The following FBXO22 variants were observed in gnomAD, a reference collection of about 807,000 sequenced individuals.
FBXO22 encodes the protein F-box protein 22, also known as F-box only protein 22.
Under a neutral mutation model 37.2 loss-of-function variants are expected in FBXO22, and 13 were observed. The observed-to-expected ratio is 0.35, with a 90% CI of 0.23 to 0.56. FBXO22 has a LOEUF of 0.56. FBXO22 is among the 20% of genes least tolerant of loss of function. FBXO22 has a pLI of 0.87. For missense variants in FBXO22, 446 were observed against 509.9 expected, an observed-to-expected ratio of 0.87 and a Z score of 1.21; for synonymous variants, 189 against 189.1, an observed-to-expected ratio of 1.00 and a Z score of 0.00.
intron 3 of FBXO22, 118 bp downstream of exon 3, chr15:75,913,408 C>T: frequency 1.6e-6 from 1 of 623,654 alleles, no homozygotes; most frequent in South Asian, 1.9e-5. Context: ...GGGACTGCCA[C>T]CTGTAGTATG....
chr15:75,918,318 G>C (rs549287035), intron 5 of FBXO22, among the ~76,000 whole-genome samples: 9 of 150,334 alleles, frequency 6.0e-5, no homozygotes, highest in African/African-American at 2.2e-4. Flanking sequence ...CCCTGACAAT[G>C]TGGAAAAAAA....
At chr15:75,929,594 CATTA>C in intron 5 of FBXO22, among the ~76,000 whole-genome samples, 1 of 151,030 alleles carries the variant, frequency 6.6e-6, no homozygotes, top group Non-Finnish European at 1.5e-5. Flanking sequence ...ATAGCTGCTT[CATTA>C]TTTGTGTTGA....
rs1007783043 is a variant in FBXO22, at chr15:75,941,388, A to G, written c.*8286A>G. ...GTATGGTGATTTTCCAATTAAATAT[A>G]GAATTGTCATTTGATTCAGCAATTG... On this transcript the variant is annotated 3_prime_UTR_variant, in exon 7 of 7. Transcript: ENST00000308275. 6.6e-6 allele frequency: 1 copy of G among 152,240 alleles called. No homozygotes were observed. Among genetic ancestry groups the G allele is most frequent in the Non-Finnish European group, 1.5e-5 (1 of 68,018 alleles). The allele number at this position is 152,240 out of a possible 1,614,324, so 9.4% of individuals were successfully genotyped here.
At chr15:75,918,050 T>G (rs1386026143) in intron 5 of FBXO22, among the ~76,000 whole-genome samples, 3 of 152,210 alleles carry the variant, frequency 2.0e-5, no homozygotes, top group African/African-American at 7.2e-5. Flanking sequence ...AAAGCAGCGT[T>G]TAGCCTTTTA....
rs1357738868 is a variant in FBXO22 at position 75,936,204 on chromosome 15, G to C, written c.*3102G>C. 2 of 152,184 alleles carry C rather than the reference G, an allele frequency of 1.3e-5. No homozygotes were observed. Among genetic ancestry groups the C allele is most frequent in the Non-Finnish European group, 2.9e-5 (2 of 68,028 alleles). 9.4% of individuals were successfully genotyped at this position (152,184 alleles called of 1,614,324 possible). A position where few individuals can be genotyped will look rare whatever the true frequency, so the allele number is the denominator to read the frequency against. On this transcript the variant is annotated 3_prime_UTR_variant, in exon 7 of 7. Transcript: ENST00000308275. ...ACTGCCATAAATTCAGTTTTAATGG[G>C]AACAGAAGACTCCAGATCCTCTTGA...
rs1374410075 is a variant in FBXO22, at chr15:75,936,679, A to T, written c.*3577A>T. 6.6e-6 allele frequency: 1 copy of T among 152,074 alleles called. No homozygotes were observed. Among genetic ancestry groups the T allele is most frequent in the Non-Finnish European group, 1.5e-5 (1 of 68,062 alleles). 9.4% of individuals were successfully genotyped at this position (152,074 alleles called of 1,614,324 possible). A position where few individuals can be genotyped will look rare whatever the true frequency, so the allele number is the denominator to read the frequency against. On this transcript the variant is annotated 3_prime_UTR_variant, in exon 7 of 7. Transcript: ENST00000308275. The stretch of plus-strand genomic sequence containing the variant: ...AACCTCCACCTCCTGGGTTCAAGTG[A>T]TTCTGCTGCCTCAGCCTCCCTAGTA...
chr15:75,907,404 G>A (rs549736579), intron 2 of FBXO22, among the ~76,000 whole-genome samples: 68 of 152,266 alleles, frequency 4.5e-4, no homozygotes, highest in African/African-American at 1.6e-3. Context: ...TCTTTTATTA[G>A]TATCATTATT....
chr15:75,932,073 G>T (rs1567057208), intron 6 of FBXO22, among the ~76,000 whole-genome samples: 1 of 152,130 alleles, frequency 6.6e-6, no homozygotes, highest in Non-Finnish European at 1.5e-5. Context: ...GATTAGCCAG[G>T]TGTGGTGGCA....
chr15:75,908,418 G>A lies in FBXO22; in HGVS notation c.279+3789G>A, dbSNP rs191934539. Among the ~76,000 whole-genome samples the A allele has an allele frequency of 4.9e-4, 75 of 151,958 alleles. No individual in the cohort carries two copies. The Middle Eastern group carries it at 0.01, about 21-fold the overall frequency. ...CTCCTGAGTAGTTGGGACTACAGGC[G>A]CATGCAGCCATACCCGGTTACTTTT... On this transcript the variant is annotated intron_variant, in intron 2 of 6. Transcript: ENST00000308275.
chr15:75,908,735 T>C (rs1297553706), intron 2 of FBXO22, among the ~76,000 whole-genome samples: 1 of 152,228 alleles, frequency 6.6e-6, no homozygotes, highest in African/African-American at 2.4e-5. Flanking sequence ...AAGAGGCACG[T>C]AGTCTAAGTG....
At chr15:75,912,174 C>T (rs2201917) in intron 2 of FBXO22, among the ~76,000 whole-genome samples, 68,854 of 151,550 alleles carry the variant, frequency 0.45, 16,487 homozygotes, top group South Asian at 0.69. Flanking sequence ...TTCGGTCTGC[C>T]AGTATTTTAT....
intron 5 of FBXO22, among the ~76,000 whole-genome samples, chr15:75,918,768 C>T (rs1200718394): frequency 6.6e-6 from 1 of 152,128 alleles, no homozygotes; most frequent in African/African-American, 2.4e-5. Context: ...TGCATGATCT[C>T]ACTCATGTGT....
intron 4 of FBXO22, among the ~76,000 whole-genome samples, chr15:75,916,572 TTAGG>T (rs1200981821): frequency 6.6e-6 from 1 of 152,120 alleles, no homozygotes; most frequent in Non-Finnish European, 1.5e-5. Flanking sequence ...ACATGGGGGG[TTAGG>T]GCTTAAACAT....
chr15:75,941,958 A>AC lies in FBXO22; in HGVS notation c.*8856_*8857insC, dbSNP rs2031022484. The AC allele has an allele frequency of 3.8e-5, 5 of 130,788 alleles. No individual in the cohort carries two copies. The highest frequency in any genetic ancestry group is 8.0e-5 in the Non-Finnish European group (5 of 62,326). 8.1% of individuals were successfully genotyped at this position (130,788 alleles called of 1,614,324 possible). On this transcript the variant is annotated 3_prime_UTR_variant, in exon 7 of 7. Coordinates refer to ENST00000308275, the MANE Select transcript of FBXO22 (RefSeq NM_147188.3). ...AAACCACCAAAAAAAAAAAAAAAAA[A>AC]AAATATGGCCTAGCTTTTTTTTTTT...
chr15:75,920,108 G>A (rs1206212706), intron 5 of FBXO22, among the ~76,000 whole-genome samples: 5 of 152,232 alleles, frequency 3.3e-5, no homozygotes, highest in African/African-American at 1.2e-4. Context: ...ATTGTTAAGT[G>A]TAAAGGCAAA....
At chr15:75,929,825 G>T in intron 5 of FBXO22, 59 bp from the exon 6 acceptor site, 1 of 1,600,172 alleles carries the variant, frequency 6.2e-7, no homozygotes, top group Non-Finnish European at 8.5e-7. Flanking sequence ...TTTGCAGCAT[G>T]TATAAAATAA....
At chr15:75,918,716 A>C (rs1900247055) in intron 5 of FBXO22, among the ~76,000 whole-genome samples, 1 of 152,198 alleles carries the variant, frequency 6.6e-6, no homozygotes, top group South Asian at 2.1e-4. Flanking sequence ...ATGAACCTGG[A>C]GGATGTTAAG....
At chr15:75,909,498 A>G (rs1900003024) in intron 2 of FBXO22, among the ~76,000 whole-genome samples, 2 of 152,188 alleles carry the variant, frequency 1.3e-5, no homozygotes, top group Non-Finnish European at 2.9e-5. Flanking sequence ...CAGCCTGTAT[A>G]CCTTCCCCAG....
chr15:75,927,821 GT>G (rs2029877393), intron 5 of FBXO22, among the ~76,000 whole-genome samples: 1 of 152,098 alleles, frequency 6.6e-6, no homozygotes. Flanking sequence ...CATACCCTTT[GT>G]TTCCTTAAGT....
Sources: allele counts gnomAD v4.1 joint callset (sites outside exome capture counted in the v4.1 genomes callset), GRCh38; gene constraint gnomAD v4.1.1; transcripts MANE v1.5; gene names NCBI Gene and HGNC (gene_info 2026-07-23, HGNC 2026-07-21).